PI4K2A: variants seen among roughly 807,000 people sequenced by gnomAD.
The protein encoded by PI4K2A is phosphatidylinositol 4-kinase type 2-alpha.
A neutral mutation model predicts 55.0 loss-of-function variants in PI4K2A; 20 were observed. The ratio of observed to expected loss-of-function variants is 0.36; its 90% CI spans 0.26 to 0.53. The LOEUF (loss-of-function observed/expected upper bound fraction) is 0.53. Among genes scored for constraint, PI4K2A ranks in the 20% least tolerant of loss-of-function variants. The pLI is 0.91. For synonymous variants in PI4K2A, 235 were observed against 258.5 expected (o/e 0.91, Z 0.87); for missense variants, 463 against 637.1 (o/e 0.73, Z 2.94).
exon 9 of PI4K2A, chr10:97,673,771 C>CA (rs781189265): frequency 2.3e-5 from 37 of 1,608,174 alleles, no homozygotes; most frequent in Non-Finnish European, 3.1e-5. Context: ...GAAATATTGT[C>CA]AGAGACTGGT....
chr10:97,640,772 C>A (rs1246459595), exon 1 of PI4K2A: 3 of 1,505,148 alleles, frequency 2.0e-6, no homozygotes, highest in African/African-American at 1.4e-5. Context: ...TAGTGTCCCC[C>A]GAGCGGGCCC....
chr10:97,666,994 G>T, intron 7 of PI4K2A, 67 bp from the exon 8 acceptor site: 1 of 1,246,868 alleles, frequency 8.0e-7, no homozygotes, highest in Non-Finnish European at 1.2e-6. Context: ...GTTTCTAACT[G>T]GGGGAGAAAA....
chr10:97,666,596 A>C (rs761276193), intron 7 of PI4K2A, 25 bp downstream of exon 7: 2 of 1,580,576 alleles, frequency 1.3e-6, no homozygotes, highest in Admixed American at 1.9e-5. Flanking sequence ...CCTCAGCCCT[A>C]TTATCATATG....
At chr10:97,661,000 A>C (rs1185917080) in intron 4 of PI4K2A, among the ~76,000 whole-genome samples, 1 of 145,410 alleles carries the variant, frequency 6.9e-6, no homozygotes, top group Non-Finnish European at 1.5e-5. Flanking sequence ...TTTTTATTTT[A>C]TATTTTTTGG....
chr10:97,671,896 C>T (rs1486846738), intron 8 of PI4K2A, among the ~76,000 whole-genome samples: 10 of 152,028 alleles, frequency 6.6e-5, no homozygotes, highest in East Asian at 1.9e-4. Context: ...TCAGGTGACC[C>T]GCCCACTTCG....
exon 1 of PI4K2A, chr10:97,640,901 C>T: frequency 7.6e-7 from 1 of 1,311,298 alleles, no homozygotes. Context: ...GCTCGCCGGG[C>T]CACGACCGCG....
rs191242043 is a variant in PI4K2A, at chr10:97,641,870, G to A, written c.435+693G>A. Reference sequence around the variant, plus strand: ...CATTTCTCTCCCAGGGCTATCAACAGCCTGCTTTTCAACTAAGGCAGAGCG... The same window carrying A: ...CATTTCTCTCCCAGGGCTATCAACAACCTGCTTTTCAACTAAGGCAGAGCG... On this transcript the variant is annotated intron_variant, in intron 1 of 8. Coordinates refer to ENST00000370631, the Ensembl canonical transcript of PI4K2A. Among the ~76,000 whole-genome samples, 167 of 152,286 alleles carry A rather than the reference G, an allele frequency of 1.1e-3. 2 individuals are homozygous for A. Among genetic ancestry groups the A allele is most frequent in the Non-Finnish European group, 7.4e-4 (50 of 68,026 alleles).
rs139538792 is a variant in PI4K2A, at chr10:97,667,763, A to G, written c.1278+643A>G. 4.1e-3 allele frequency among the ~76,000 whole-genome samples: 625 copies of G among 152,336 alleles called. 11 individuals are homozygous for G. Among genetic ancestry groups the G allele is most frequent in the Admixed American group, 0.027 (409 of 15,300 alleles). On this transcript the variant is annotated intron_variant, in intron 8 of 8. Coordinates refer to ENST00000370631, the Ensembl canonical transcript of PI4K2A. ...TGGTTAAGATCTGGGCCCTGGAGCC[A>G]GACTGCTTCACTACTTGGAAGCTCT... is the stretch of plus-strand genomic sequence containing the variant.
At chr10:97,646,083 C>T (rs2041503746) in intron 1 of PI4K2A, among the ~76,000 whole-genome samples, 2 of 152,076 alleles carry the variant, frequency 1.3e-5, no homozygotes, top group Non-Finnish European at 2.9e-5. Flanking sequence ...TTGCCTTTTT[C>T]ATTCTCATTT....
At chr10:97,672,919 T>C (rs1564778039) in intron 8 of PI4K2A, among the ~76,000 whole-genome samples, 1 of 151,176 alleles carries the variant, frequency 6.6e-6, no homozygotes, top group Admixed American at 6.6e-5. Flanking sequence ...TTTTAGTAGA[T>C]ACAGAGTTTC....
intron 5 of PI4K2A, among the ~76,000 whole-genome samples, chr10:97,664,525 T>C (rs889573359): frequency 4.6e-5 from 7 of 152,316 alleles, no homozygotes; most frequent in Admixed American, 2.0e-4. Flanking sequence ...CCAACTGATA[T>C]GGATTTTATT....
intron 1 of PI4K2A, among the ~76,000 whole-genome samples, chr10:97,649,945 T>G (rs112096432): frequency 6.6e-6 from 1 of 152,102 alleles, no homozygotes; most frequent in Admixed American, 6.6e-5. Flanking sequence ...CTTTACTTCC[T>G]TCCAGTTGGT....
At chr10:97,670,668 A>G (rs1261198564) in intron 8 of PI4K2A, among the ~76,000 whole-genome samples, 1 of 152,204 alleles carries the variant, frequency 6.6e-6, no homozygotes, top group Non-Finnish European at 1.5e-5. Flanking sequence ...ATTTGTTACC[A>G]ATAGGGTAAC....
chr10:97,645,346 C>T (rs1011096794), intron 1 of PI4K2A, among the ~76,000 whole-genome samples: 5 of 152,044 alleles, frequency 3.3e-5, no homozygotes, highest in Non-Finnish European at 5.9e-5. Flanking sequence ...CAGTGGTTCA[C>T]GCCTGTAATC....
chr10:97,651,202 C>T, intron 2 of PI4K2A, 61 bp downstream of exon 2: 1 of 1,323,952 alleles, frequency 7.6e-7, no homozygotes, highest in South Asian at 1.2e-5. Flanking sequence ...GGGCCTAAGC[C>T]CTGCTACATG....
chr10:97,652,112 T>C (rs1253163030), intron 2 of PI4K2A, among the ~76,000 whole-genome samples: 1 of 152,206 alleles, frequency 6.6e-6, no homozygotes, highest in Non-Finnish European at 1.5e-5. Flanking sequence ...TATTTAGTTA[T>C]TTAGTAAATA....
chr10:97,676,112 G>A (rs7084287), exon 9 of PI4K2A: 72,150 of 152,196 alleles, frequency 0.47, 18,220 homozygotes, highest in African/African-American at 0.66. Flanking sequence ...GGAATTTTGA[G>A]GGCAAAGAAA....
intron 8 of PI4K2A, among the ~76,000 whole-genome samples, chr10:97,673,168 T>C (rs2041645173): frequency 6.6e-6 from 1 of 151,894 alleles, no homozygotes; most frequent in Non-Finnish European, 1.5e-5. Flanking sequence ...TTTTGGTATT[T>C]TTAGTAGAGA....
chr10:97,671,701 A>C (rs1237706985), intron 8 of PI4K2A, among the ~76,000 whole-genome samples: 1 of 152,064 alleles, frequency 6.6e-6, no homozygotes, highest in African/African-American at 2.4e-5. Context: ...GTGCAATGGC[A>C]CAATCTCACC....
Sources: gnomAD v4.1 joint callset for allele counts (sites outside exome capture counted in the v4.1 genomes callset) on GRCh38, gnomAD v4.1.1 for gene constraint, MANE v1.5 for transcripts, NCBI Gene and HGNC (gene_info 2026-07-23, HGNC 2026-07-21) for gene names.